MAP2K1: variants seen among roughly 807,000 people sequenced by gnomAD.
The protein encoded by MAP2K1 is mitogen-activated protein kinase kinase 1.
Under a neutral mutation model 46.3 loss-of-function variants are expected in MAP2K1, and 16 were observed. The observed-to-expected ratio is 0.35, with a 90% CI of 0.23 to 0.52. The LOEUF (loss-of-function observed/expected upper bound fraction) is 0.52, where lower values mean the gene tolerates loss of function less well. MAP2K1 is among the 20% of genes least tolerant of loss of function. The pLI, the probability that MAP2K1 is intolerant of heterozygous loss-of-function variation, is 0.94. For missense variants in MAP2K1, 263 were observed against 497.1 expected (o/e 0.53, Z 4.48); for synonymous variants, 183 against 185.6 (o/e 0.99, Z 0.11).
intron 1 of MAP2K1, among the ~76,000 whole-genome samples, chr15:66,412,009 T>G (rs1477880382): frequency 6.6e-6 from 1 of 152,218 alleles, no homozygotes; most frequent in East Asian, 1.9e-4. Flanking sequence ...TTCCACAATT[T>G]TGGTCCTTTT....
At chr15:66,434,434 T>A (rs1188029958) in intron 1 of MAP2K1, among the ~76,000 whole-genome samples, 2 of 152,208 alleles carry the variant, frequency 1.3e-5, no homozygotes, top group East Asian at 3.8e-4. Flanking sequence ...TTGCCCTATG[T>A]TAAAGAATGG....
intron 5 of MAP2K1, among the ~76,000 whole-genome samples, chr15:66,456,088 TC>T (rs543730364): frequency 2.9e-3 from 439 of 152,190 alleles, no homozygotes; most frequent in African/African-American, 0.01. Context: ...CTCAGTCTTT[TC>T]CCCCATCAAA....
At chr15:66,477,827 C>T (rs1476878839) in intron 5 of MAP2K1, among the ~76,000 whole-genome samples, 1 of 152,134 alleles carries the variant, frequency 6.6e-6, no homozygotes, top group African/African-American at 2.4e-5. Context: ...TGGTGTGCCG[C>T]CCCAGCAGGC....
intron 1 of MAP2K1, among the ~76,000 whole-genome samples, chr15:66,389,507 C>CTA (rs2093351682): frequency 1.3e-5 from 2 of 149,432 alleles, no homozygotes; most frequent in Admixed American, 6.7e-5. Context: ...CTGGGAGAGT[C>CTA]TAAACAGTGG....
chr15:66,452,293 A>T (rs1224820367), intron 5 of MAP2K1, among the ~76,000 whole-genome samples: 5 of 24,984 alleles, frequency 2.0e-4, no homozygotes, highest in African/African-American at 4.8e-4. Context: ...ATAATAAAAA[A>T]AAAAAAAAAA....
At chr15:66,421,039 A>G (rs1342926431) in intron 1 of MAP2K1, among the ~76,000 whole-genome samples, 2 of 148,586 alleles carry the variant, frequency 1.3e-5, no homozygotes, top group African/African-American at 5.0e-5. Context: ...TATATGTACA[A>G]TTTTATATAT....
intron 1 of MAP2K1, among the ~76,000 whole-genome samples, chr15:66,424,350 G>C (rs1278996813): frequency 1.3e-5 from 2 of 152,200 alleles, no homozygotes; most frequent in African/African-American, 2.4e-5. Context: ...GAGCCACCGT[G>C]TCCAGCCCGT....
At chr15:66,423,170 T>G (rs2093447859) in intron 1 of MAP2K1, among the ~76,000 whole-genome samples, 1 of 152,220 alleles carries the variant, frequency 6.6e-6, no homozygotes, top group Non-Finnish European at 1.5e-5. Context: ...TGTAATCGGC[T>G]AATGAGCCTG....
chr15:66,452,148 G>A (rs1302770857), intron 5 of MAP2K1, among the ~76,000 whole-genome samples: 2 of 98,150 alleles, frequency 2.0e-5, no homozygotes, highest in Non-Finnish European at 4.0e-5. Context: ...GGGGTCGGGG[G>A]AGGGGGGAGG....
intron 5 of MAP2K1, among the ~76,000 whole-genome samples, chr15:66,476,273 T>C (rs2140657886): frequency 6.6e-6 from 1 of 152,260 alleles, no homozygotes; most frequent in Non-Finnish European, 1.5e-5. Context: ...GCATCACCTT[T>C]CAGTTATCAA....
At chr15:66,484,069 T>A (rs1892978649) in intron 6 of MAP2K1, among the ~76,000 whole-genome samples, 2 of 151,458 alleles carry the variant, frequency 1.3e-5, no homozygotes, top group Admixed American at 1.3e-4. Context: ...TTTGATTTGA[T>A]CTTCTTAGTA....
intron 1 of MAP2K1, among the ~76,000 whole-genome samples, chr15:66,407,169 A>C (rs1366736998): frequency 6.6e-6 from 1 of 152,020 alleles, no homozygotes; most frequent in East Asian, 1.9e-4. Context: ...AGTTGGGAAT[A>C]GGCTTCTGAG....
At chr15:66,429,923 C>T (rs889779888) in intron 1 of MAP2K1, among the ~76,000 whole-genome samples, 4 of 152,092 alleles carry the variant, frequency 2.6e-5, no homozygotes, top group South Asian at 2.1e-4. Context: ...AACTTGAACA[C>T]GCCCCCGTTC....
In MAP2K1 at chr15:66,489,735, CAGAG is replaced by C; in HGVS notation, c.1045_1048del (p.Arg349GlnfsTer3). 6.2e-7 allele frequency: 1 copy of C among 1,613,898 alleles called. No individual in the cohort carries two copies. The highest frequency in any genetic ancestry group is 8.5e-7 in the Non-Finnish European group (1 of 1,179,740). On this transcript the variant is annotated frameshift_variant, in exon 10 of 11. Transcript: ENST00000307102. LOFTEE classifies it high-confidence loss of function. ...CCTTTAAGCTTAATAAAAAACCCCG[CAGAG>C]AGAGCAGATTTGAAGCAACTCATGG... is the stretch of plus-strand genomic sequence containing the variant.
intron 1 of MAP2K1, among the ~76,000 whole-genome samples, chr15:66,403,906 C>T (rs535120548): frequency 3.9e-5 from 6 of 152,196 alleles, no homozygotes; most frequent in East Asian, 1.9e-4. Context: ...GTCCTTATGT[C>T]GGGGAGGGCA....
intron 5 of MAP2K1, among the ~76,000 whole-genome samples, chr15:66,445,870 C>CTT (rs956191523): frequency 1.0e-4 from 15 of 144,114 alleles, no homozygotes; most frequent in African/African-American, 3.5e-4. Flanking sequence ...AATGTTACAT[C>CTT]TTTTTTTTTT....
intron 5 of MAP2K1, among the ~76,000 whole-genome samples, chr15:66,448,099 G>A (rs1891922735): frequency 6.9e-6 from 1 of 145,238 alleles, no homozygotes; most frequent in African/African-American, 2.5e-5. Flanking sequence ...GTTGCAGTGA[G>A]CTGAGATTGT....
chr15:66,480,282 G>T (rs1193419423), intron 5 of MAP2K1, among the ~76,000 whole-genome samples: 1 of 151,988 alleles, frequency 6.6e-6, no homozygotes. Flanking sequence ...AGAGATGGGA[G>T]TTACGCCATG....
chr15:66,486,489 T>C (rs1358546612), intron 7 of MAP2K1, among the ~76,000 whole-genome samples: 1 of 152,146 alleles, frequency 6.6e-6, no homozygotes, highest in African/African-American at 2.4e-5. Context: ...ATCACGACTA[T>C]AATCTGAATT....
Sources: gnomAD v4.1 joint callset for allele counts (sites outside exome capture counted in the v4.1 genomes callset) on GRCh38, gnomAD v4.1.1 for gene constraint, MANE v1.5 for transcripts, NCBI Gene and HGNC (gene_info 2026-07-23, HGNC 2026-07-21) for gene names.